The following CELF4 variants were observed in gnomAD, a reference collection of about 807,000 sequenced individuals.
The protein encoded by CELF4 is CUG-BP- and ETR-3-like factor 4.
In CELF4, 18 loss-of-function variants were observed where a neutral mutation model predicts 59.9. The ratio of observed to expected loss-of-function variants is 0.30; its 90% CI spans 0.21 to 0.45. The LOEUF (loss-of-function observed/expected upper bound fraction) is 0.45, where lower values mean the gene tolerates loss of function less well. Among genes scored for constraint, CELF4 ranks in the 20% least tolerant of loss-of-function variants. The pLI is 1.00. For missense variants in CELF4, 456 were observed against 689.0 expected (o/e 0.66, Z 3.79); for synonymous variants, 261 against 267.1 (o/e 0.98, Z 0.22).
intron 2 of CELF4, among the ~76,000 whole-genome samples, chr18:37,348,712 C>CG (rs1208358590): frequency 6.6e-6 from 1 of 152,094 alleles, no homozygotes; most frequent in African/African-American, 2.4e-5. Context: ...CAAAACCCAT[C>CG]GGGGGTCATT....
At chr18:37,250,779 G>A (rs1256020722) in intron 12 of CELF4, among the ~76,000 whole-genome samples, 1 of 152,152 alleles carries the variant, frequency 6.6e-6, no homozygotes, top group Admixed American at 6.5e-5. Context: ...CTTAGCAACC[G>A]CCTTCTATTA....
At chr18:37,322,821 T>C (rs1408429564) in intron 2 of CELF4, among the ~76,000 whole-genome samples, 1 of 152,174 alleles carries the variant, frequency 6.6e-6, no homozygotes, top group East Asian at 1.9e-4. Context: ...TGCATCTGCA[T>C]TTCTCTCACA....
chr18:37,512,323 C>T (rs541195023), intron 1 of CELF4, among the ~76,000 whole-genome samples: 6 of 152,354 alleles, frequency 3.9e-5, no homozygotes, highest in South Asian at 2.1e-4. Context: ...AGATGAGTTC[C>T]GTGGAGCTGC....
chr18:37,252,795 T>G (rs2066369629), intron 12 of CELF4, among the ~76,000 whole-genome samples: 1 of 151,494 alleles, frequency 6.6e-6, no homozygotes, highest in Non-Finnish European at 1.5e-5. Context: ...TGCTCACTGC[T>G]GAACCCCAAG....
chr18:37,310,488 G>A (rs1335113576), intron 3 of CELF4, among the ~76,000 whole-genome samples: 1 of 152,200 alleles, frequency 6.6e-6, no homozygotes, highest in Non-Finnish European at 1.5e-5. Flanking sequence ...TGGCCTCTTG[G>A]GGTCTTCCAA....
chr18:37,511,068 C>A (rs1054770432), intron 1 of CELF4, among the ~76,000 whole-genome samples: 2 of 152,186 alleles, frequency 1.3e-5, no homozygotes, highest in African/African-American at 4.8e-5. Context: ...CCCAGCGGTG[C>A]TCTGTAATGA....
chr18:37,347,552 T>A (rs2098308967), intron 2 of CELF4, among the ~76,000 whole-genome samples: 2 of 152,258 alleles, frequency 1.3e-5, no homozygotes, highest in Middle Eastern at 3.4e-3. Context: ...GGTCGTCACC[T>A]GCATGAAGGA....
chr18:37,265,227 GCGCGCA>G (rs1233396299), intron 9 of CELF4, among the ~76,000 whole-genome samples: 10 of 152,134 alleles, frequency 6.6e-5, no homozygotes, highest in Admixed American at 4.6e-4. Context: ...GTACGTGTGT[GCGCGCA>G]CGTGCACTTG....
At chr18:37,347,267 C>T (rs995577444) in intron 2 of CELF4, among the ~76,000 whole-genome samples, 37 of 152,018 alleles carry the variant, frequency 2.4e-4, no homozygotes, top group African/African-American at 8.9e-4. Context: ...CTCCCTGCCA[C>T]CCCCCACGCC....
At chr18:37,475,426 T>G (rs756666293) in intron 2 of CELF4, among the ~76,000 whole-genome samples, 2 of 152,224 alleles carry the variant, frequency 1.3e-5, no homozygotes, top group South Asian at 4.1e-4. Flanking sequence ...GCTGATCTGA[T>G]GTCCACATTT....
chr18:37,345,593 A>C (rs1047445302), intron 2 of CELF4, among the ~76,000 whole-genome samples: 2 of 152,114 alleles, frequency 1.3e-5, no homozygotes, highest in African/African-American at 2.4e-5. Context: ...AGACTTTCCT[A>C]TGGGTGGAGT....
chr18:37,330,003 A>C (rs934707583), intron 2 of CELF4, among the ~76,000 whole-genome samples: 2 of 152,174 alleles, frequency 1.3e-5, no homozygotes, highest in African/African-American at 4.8e-5. Flanking sequence ...AAAGATCATC[A>C]GTCCATTTTT....
intron 9 of CELF4, among the ~76,000 whole-genome samples, chr18:37,265,078 G>A (rs2154328171): frequency 6.7e-6 from 1 of 148,976 alleles, no homozygotes; most frequent in African/African-American, 2.4e-5. Flanking sequence ...GGGTGTACGT[G>A]TGTGTACAGT....
chr18:37,332,314 G>A (rs1328500730), intron 2 of CELF4, among the ~76,000 whole-genome samples: 1 of 152,164 alleles, frequency 6.6e-6, no homozygotes, highest in African/African-American at 2.4e-5. Context: ...CAGTGGTCTC[G>A]GTCCAGGTGG....
At chr18:37,330,864 C>T (rs2097517882) in intron 2 of CELF4, among the ~76,000 whole-genome samples, 1 of 152,098 alleles carries the variant, frequency 6.6e-6, no homozygotes, top group Non-Finnish European at 1.5e-5. Flanking sequence ...TGGCGCGTTG[C>T]ACCTTTGGAT....
chr18:37,380,824 A>ATCCATCG (rs1569568219), intron 2 of CELF4, among the ~76,000 whole-genome samples: 8 of 19,116 alleles, frequency 4.2e-4, no homozygotes, highest in African/African-American at 1.4e-3. Context: ...TCCATCCATC[A>ATCCATCG]TCTATCCTTC....
At chr18:37,272,971 G>A (rs544979198) in intron 7 of CELF4, 45 bp downstream of exon 7, 7 of 1,566,020 alleles carry the variant, frequency 4.5e-6, no homozygotes, top group African/African-American at 1.3e-5. Context: ...GGGGCCAGCT[G>A]TTCTCCCACC....
chr18:37,532,329 C>T (rs539127308), intron 1 of CELF4, among the ~76,000 whole-genome samples: 17 of 152,256 alleles, frequency 1.1e-4, no homozygotes, highest in Middle Eastern at 6.8e-3. Context: ...TGGGGAAATA[C>T]GGCTTTGTAC....
chr18:37,470,871 T>TGACAGAGAGAGAGA, intron 2 of CELF4, among the ~76,000 whole-genome samples: 1 of 117,150 alleles, frequency 8.5e-6, no homozygotes. Context: ...TGTGTGTGTG[T>TGACAGAGAGAGAGA]GTGTGTGTGT....
Sources: allele counts gnomAD v4.1 joint callset (sites outside exome capture counted in the v4.1 genomes callset), GRCh38; gene constraint gnomAD v4.1.1; transcripts MANE v1.5; gene names NCBI Gene and HGNC (gene_info 2026-07-23, HGNC 2026-07-21).